Variants in LINGO3 observed in about 807,000 individuals in gnomAD.
The protein encoded by LINGO3 is leucine-rich repeat and immunoglobulin-like domain-containing nogo receptor-interacting protein 3.
For synonymous variants in LINGO3, 427 were observed against 444.2 expected, an observed-to-expected ratio of 0.96 and a Z score of 0.49; for missense variants, 750 against 867.7, an observed-to-expected ratio of 0.86 and a Z score of 1.70.
chr19:2,292,635 G>A (rs1257603523), upstream of LINGO3, among the ~76,000 whole-genome samples: 2 of 151,300 alleles, frequency 1.3e-5, no homozygotes, highest in Non-Finnish European at 3.0e-5. Context: ...GATTACAGGT[G>A]CCCGCCACCA....
upstream of LINGO3, among the ~76,000 whole-genome samples, chr19:2,295,609 G>A (rs1201550332): frequency 2.6e-5 from 4 of 152,138 alleles, no homozygotes; most frequent in Admixed American, 6.5e-5. Context: ...GGTGATGGGC[G>A]CCTGTAATCC....
At chr19:2,289,088 C>T (rs1050351495), downstream of LINGO3, among the ~76,000 whole-genome samples, 15 of 148,642 alleles carry the variant, frequency 1.0e-4, no homozygotes, top group African/African-American at 3.3e-4. Context: ...CGGGTGTGAG[C>T]TGTGTGTTCC....
At position 2,290,210 on chromosome 19, in the gene LINGO3, C is replaced by A. The variant is rs750667809; in HGVS notation, c.1567G>T (p.Asp523Tyr). 2 of 1,608,198 alleles carry A rather than the reference C, an allele frequency of 1.2e-6. No homozygotes were observed. The highest frequency in any genetic ancestry group is 1.7e-6 in the Non-Finnish European group (2 of 1,178,180). The change falls in exon 1 of 1, where the codon GAC becomes TAC. Residue 523 changes from aspartate (D) to tyrosine (Y), a missense_variant. Asp to Tyr is a radical substitution (Grantham distance 160). Coordinates refer to ENST00000585527, the Ensembl canonical transcript of LINGO3. The surrounding 1 kb of genome is among the most constrained non-coding windows in gnomAD (Gnocchi z 6.0). The stretch of plus-strand genomic sequence containing the variant: ...GTGGACACCAGGATGGTGGTGAGGT[C>A]GAGCGGCGCGCGCAGGGCCGCCAGC...
chr19:2,303,319 GA>G, the LINGO3 span, among the ~76,000 whole-genome samples: 3 of 151,198 alleles, frequency 2.0e-5, no homozygotes, highest in Admixed American at 6.6e-5. Flanking sequence ...CAGATTGTCT[GA>G]AAAAAGCGCT....
chr19:2,296,586 A>C (rs929617057), upstream of LINGO3, among the ~76,000 whole-genome samples: 5 of 151,824 alleles, frequency 3.3e-5, no homozygotes, highest in African/African-American at 1.2e-4. Flanking sequence ...TCAGGTGATT[A>C]TCCTGCCTCA....
the LINGO3 span, among the ~76,000 whole-genome samples, chr19:2,298,107 T>G: frequency 6.6e-6 from 1 of 152,224 alleles, no homozygotes; most frequent in Non-Finnish European, 1.5e-5. Flanking sequence ...CAGGCTGGTC[T>G]CAAACTCCTG....
At chr19:2,304,637 G>A in the LINGO3 span, among the ~76,000 whole-genome samples, 5 of 151,322 alleles carry the variant, frequency 3.3e-5, no homozygotes, top group African/African-American at 7.3e-5. Context: ...GTGCCTCTGG[G>A]CAATGGGAAA....
At chr19:2,298,728 A>G in the LINGO3 span, among the ~76,000 whole-genome samples, 1 of 151,804 alleles carries the variant, frequency 6.6e-6, no homozygotes, top group East Asian at 1.9e-4. Context: ...TTTAGTAGAG[A>G]TGGGATTTCA....
At chr19:2,298,648 C>T in the LINGO3 span, among the ~76,000 whole-genome samples, 1 of 150,160 alleles carries the variant, frequency 6.7e-6, no homozygotes, top group Non-Finnish European at 1.5e-5. Context: ...TCAAGAGATT[C>T]TGCTGTCTCA....
the LINGO3 span, among the ~76,000 whole-genome samples, chr19:2,297,049 G>A: frequency 1.1e-4 from 17 of 151,354 alleles, no homozygotes; most frequent in East Asian, 4.1e-4. Context: ...CTGAGATCAC[G>A]CCACTGCACT....
the LINGO3 span, among the ~76,000 whole-genome samples, chr19:2,307,617 C>G: frequency 1.3e-5 from 2 of 152,204 alleles, no homozygotes; most frequent in African/African-American, 4.8e-5. Flanking sequence ...CCGGTGTGGA[C>G]CCCAGATACC....
At chr19:2,305,219 C>T in the LINGO3 span, among the ~76,000 whole-genome samples, 1 of 152,106 alleles carries the variant, frequency 6.6e-6, no homozygotes, top group Non-Finnish European at 1.5e-5. Context: ...ATTGACCTCT[C>T]CTTGGGGTCT....
At position 2,290,285 on chromosome 19, in the gene LINGO3, G is replaced by T; in HGVS notation, c.1492C>A (p.Arg498Ser). Residue 498 changes from arginine (R) to serine (S), a missense_variant, in exon 1 of 1, where the codon CGC becomes AGC. Coordinates refer to ENST00000585527, the Ensembl canonical transcript of LINGO3. The surrounding 1 kb of genome is among the most constrained non-coding windows in gnomAD (Gnocchi z 6.0). ...GTCCGGTTGGCGGCCGGCTCGGGGC[G>T]CACGGTCAGCGTGGCGAAGTAGGTG... The T allele has an allele frequency of 1.3e-6, 2 of 1,585,178 alleles. No individual in the cohort carries two copies. The highest frequency in any genetic ancestry group is 1.1e-5 in the South Asian group (1 of 89,236).
At chr19:2,289,534 G>A (rs562835094), downstream of LINGO3, among the ~76,000 whole-genome samples, 1 of 152,198 alleles carries the variant, frequency 6.6e-6, no homozygotes, top group East Asian at 1.9e-4. Context: ...TGGGGCTGTG[G>A]GGCCCTTTGT....
At chr19:2,297,878 T>C in the LINGO3 span, among the ~76,000 whole-genome samples, 1 of 151,742 alleles carries the variant, frequency 6.6e-6, no homozygotes, top group African/African-American at 2.4e-5. Context: ...GTGCTGGAAT[T>C]ACAGTGTGAG....
chr19:2,291,456 C>T (rs2025520383), exon 1 of LINGO3: 2 of 1,612,950 alleles, frequency 1.2e-6, no homozygotes, highest in African/African-American at 2.7e-5. Context: ...CACGGAGACG[C>T]AGGACGCGCA....
the LINGO3 span, among the ~76,000 whole-genome samples, chr19:2,303,254 C>T: frequency 6.6e-6 from 1 of 152,216 alleles, no homozygotes; most frequent in Admixed American, 6.5e-5. Context: ...CGTCTTTCCC[C>T]CAGCGTCAAG....
chr19:2,295,651 G>A (rs2145091940), upstream of LINGO3, among the ~76,000 whole-genome samples: 1 of 152,284 alleles, frequency 6.6e-6, no homozygotes, highest in African/African-American at 2.4e-5. Context: ...GAGGAGAATC[G>A]CTTGAACCTG....
chr19:2,295,459 G>A (rs2025564129), upstream of LINGO3, among the ~76,000 whole-genome samples: 1 of 152,222 alleles, frequency 6.6e-6, no homozygotes, highest in South Asian at 2.1e-4. Context: ...CTCTTGCCCG[G>A]CGCGGTGGCT....
Sources: allele counts gnomAD v4.1 joint callset (sites outside exome capture counted in the v4.1 genomes callset), GRCh38; gene constraint gnomAD v4.1.1; non-coding constraint Gnocchi (gnomAD v3.1); transcripts MANE v1.5; gene names NCBI Gene and HGNC (gene_info 2026-07-23, HGNC 2026-07-21).